GALNT9: variants seen among roughly 807,000 people sequenced by gnomAD.
GALNT9 encodes polypeptide N-acetylgalactosaminyltransferase 9.
Under a neutral mutation model 63.1 loss-of-function variants are expected in GALNT9, and 47 were observed. That is an observed-to-expected ratio of 0.75 (90% confidence interval 0.59 to 0.95). The LOEUF (loss-of-function observed/expected upper bound fraction) is 0.95, where lower values mean the gene tolerates loss of function less well. Among genes scored for constraint, GALNT9 ranks in the 40% least tolerant of loss-of-function variants. The probability of loss-of-function intolerance (pLI) is 0.00; values close to 1 mark genes in which losing one functional copy is unlikely to be tolerated. For missense variants in GALNT9, 829 were observed against 874.8 expected, an observed-to-expected ratio of 0.95 and a Z score of 0.66; for synonymous variants, 396 against 365.7, an observed-to-expected ratio of 1.08 and a Z score of -0.94.
chr12:132,201,204 TCAGCCTCTGACGCAGGGC>T lies in GALNT9; in HGVS notation c.1303_1320del (p.Ala435_Leu440del), dbSNP rs1470710628. On this transcript the variant is annotated inframe_deletion, in exon 8 of 11. Coordinates refer to ENST00000328957, the MANE Select transcript of GALNT9 (RefSeq NM_001122636.2). ...AGGTACCACTTGAAGCTGCGACACT[TCAGCCTCTGACGCAGGGC>T]CAGCCTCTCAGACACGTCCCCGAAG... is the stretch of plus-strand genomic sequence containing the variant. The T allele has an allele frequency of 1.2e-6, 2 of 1,612,852 alleles. No individual in the cohort carries two copies. The highest frequency in any genetic ancestry group is 1.1e-5 in the South Asian group (1 of 90,984).
intron 2 of GALNT9, among the ~76,000 whole-genome samples, chr12:132,268,750 C>T (rs868914893): frequency 2.0e-5 from 3 of 152,226 alleles, no homozygotes; most frequent in Admixed American, 6.5e-5. Flanking sequence ...CCACCGAAGA[C>T]GCCCAAGCAG....
At chr12:132,320,368 A>G (rs28455494) in intron 1 of GALNT9, among the ~76,000 whole-genome samples, 86,550 of 152,134 alleles carry the variant, frequency 0.57, 24,820 homozygotes, top group East Asian at 0.76. Flanking sequence ...GCCACGAGGC[A>G]CAGACGCCCC....
chr12:132,257,416 C>T (rs955591591), intron 5 of GALNT9, among the ~76,000 whole-genome samples: 1 of 151,968 alleles, frequency 6.6e-6, no homozygotes, highest in Admixed American at 6.5e-5. Context: ...GTTGTGCTTG[C>T]TGGGGGACGT....
At chr12:132,240,808 C>G (rs1229110064) in intron 6 of GALNT9, 5 of 427,024 alleles carry the variant, frequency 1.2e-5, no homozygotes, top group African/African-American at 2.1e-5. Context: ...ACATGCCACA[C>G]ACCCTTCCCA....
Position 132,307,435 on chromosome 12 carries a change from C to T in GALNT9, c.239-21005G>A, listed in dbSNP as rs573073311. 2.0e-4 allele frequency among the ~76,000 whole-genome samples: 31 copies of T among 152,212 alleles called. No individual in the cohort carries two copies. In the South Asian group the frequency reaches 6.2e-3, roughly 31 times the overall value. The stretch of plus-strand genomic sequence containing the variant: ...CTGGAACCCATGAGTCTGTCAATTT[C>T]CATGGTCAAAGGGACTTTACAGACG... On this transcript the variant is annotated intron_variant, in intron 1 of 10. Coordinates refer to ENST00000328957, the MANE Select transcript of GALNT9 (RefSeq NM_001122636.2).
intron 2 of GALNT9, among the ~76,000 whole-genome samples, chr12:132,263,471 G>T (rs949906039): frequency 1.3e-5 from 2 of 152,060 alleles, no homozygotes; most frequent in Non-Finnish European, 2.9e-5. Flanking sequence ...AGGTTTTGGA[G>T]TTGGGGTGGT....
chr12:132,290,304 C>T (rs943927367), intron 1 of GALNT9, among the ~76,000 whole-genome samples: 1 of 152,148 alleles, frequency 6.6e-6, no homozygotes, highest in Admixed American at 6.5e-5. Context: ...GGACAGGCCT[C>T]GCCATGCAGA....
chr12:132,319,235 CAG>C lies in GALNT9; in HGVS notation c.238+9729_238+9730del, dbSNP rs1310170865. The stretch of plus-strand genomic sequence containing the variant: ...GTCTGTGCGAGATTTGAGTCTGAAT[CAG>C]GGGGCTGAGGAAGAAAGGTCTGTCC... On this transcript the variant is annotated intron_variant, in intron 1 of 10. Transcript: ENST00000328957. The surrounding 1 kb of genome is among the most constrained non-coding windows in gnomAD (Gnocchi z 5.2). Among the ~76,000 whole-genome samples the C allele has an allele frequency of 6.6e-6, 1 of 152,160 alleles. No homozygotes were observed. Among genetic ancestry groups the C allele is most frequent in the Admixed American group, 6.5e-5 (1 of 15,288 alleles).
At chr12:132,240,864 G>C (rs1213390299) in intron 6 of GALNT9, 1 of 381,954 alleles carries the variant, frequency 2.6e-6, no homozygotes, top group East Asian at 7.3e-5. Context: ...CCCCTTCCCA[G>C]GGCCGTCCCT....
intron 1 of GALNT9, among the ~76,000 whole-genome samples, chr12:132,306,962 C>T (rs1032482289): frequency 6.6e-6 from 1 of 151,974 alleles, no homozygotes; most frequent in Non-Finnish European, 1.5e-5. Context: ...TGTCTGGGAG[C>T]GTGGCGGGGA....
intron 6 of GALNT9, among the ~76,000 whole-genome samples, chr12:132,209,265 G>A (rs1049131381): frequency 7.9e-5 from 12 of 152,228 alleles, no homozygotes; most frequent in South Asian, 4.1e-4. Flanking sequence ...GGTGGCTCAC[G>A]CCTGTAATCC....
intron 1 of GALNT9, among the ~76,000 whole-genome samples, chr12:132,290,784 G>A (rs1254937771): frequency 1.3e-3 from 38 of 30,030 alleles, no homozygotes; most frequent in African/African-American, 3.4e-3. Flanking sequence ...CAGCACCCAC[G>A]TCCACAGCAC....
At chr12:132,214,545 C>T (rs1006570643) in intron 6 of GALNT9, among the ~76,000 whole-genome samples, 2 of 152,220 alleles carry the variant, frequency 1.3e-5, no homozygotes, top group East Asian at 1.9e-4. Flanking sequence ...GGCTACCATC[C>T]TCCCACCCAA....
chr12:132,269,454 G>A (rs58272762), intron 2 of GALNT9, among the ~76,000 whole-genome samples: 13,707 of 152,030 alleles, frequency 0.09, 2,005 homozygotes, highest in African/African-American at 0.31. Context: ...TCCCATTTGC[G>A]TCTGGTGCTG....
At chr12:132,317,775 C>T (rs1435403369) in intron 1 of GALNT9, among the ~76,000 whole-genome samples, 1 of 152,166 alleles carries the variant, frequency 6.6e-6, no homozygotes, top group African/African-American at 2.4e-5. Context: ...TCCCTTCCAA[C>T]CAGGGCAGGG....
chr12:132,214,500 G>A (rs886329622), intron 6 of GALNT9, among the ~76,000 whole-genome samples: 16 of 152,138 alleles, frequency 1.1e-4, no homozygotes, highest in Non-Finnish European at 1.0e-4. Flanking sequence ...CAGCCAACGC[G>A]AATCCACAGC....
At chr12:132,253,186 C>A (rs1224289303) in intron 5 of GALNT9, among the ~76,000 whole-genome samples, 2 of 152,184 alleles carry the variant, frequency 1.3e-5, no homozygotes, top group East Asian at 3.8e-4. Context: ...ACCAGGAGTG[C>A]GGGAGGAGCA....
chr12:132,203,651 A>G lies in GALNT9; in HGVS notation c.1117T>C (p.Ser373Pro), dbSNP rs773099025. 5 of 1,613,514 alleles carry G rather than the reference A, an allele frequency of 3.1e-6. No individual in the cohort carries two copies. The highest frequency in any genetic ancestry group is 1.3e-5 in the African/African-American group (1 of 74,902). The change falls in exon 7 of 11, where the codon TCC becomes CCC. Residue 373 changes from serine (S) to proline (P), a missense_variant. Ser to Pro is a moderately conservative substitution (Grantham distance 74). Transcript: ENST00000328957. Reference protein sequence around the residue: ...CGGSMEVLPCSRVAHIERTRK... With the variant: ...CGGSMEVLPCPRVAHIERTRK... The stretch of plus-strand genomic sequence containing the variant: ...GTGCGCTCGATGTGGGCCACGCGGG[A>G]GCAGGGCAGCACCTCCATGCTGCCG...
chr12:132,260,950 G>A lies in GALNT9; in HGVS notation c.759C>T (p.Gly253=), dbSNP rs782273710. The A allele has an allele frequency of 1.3e-6, 2 of 1,539,816 alleles. No homozygotes were observed. The highest frequency in any genetic ancestry group is 8.8e-7 in the Non-Finnish European group (1 of 1,142,766). Residue 253 remains glycine, a splice_region_variant and synonymous_variant, in exon 4 of 11, where the codon GGC becomes GGT. Coordinates refer to ENST00000328957, the MANE Select transcript of GALNT9 (RefSeq NM_001122636.2). ...GTCCAGCCTGTTCCGGCCCTTACCA[G>A]CCCGTGTTGAACTCGACGTGGGCAT... is the stretch of plus-strand genomic sequence containing the variant. ...FFDAHVEFNT[G]WAEPALSRIR...
Sources: allele counts gnomAD v4.1 joint callset (sites outside exome capture counted in the v4.1 genomes callset), GRCh38; gene constraint gnomAD v4.1.1; non-coding constraint Gnocchi (gnomAD v3.1); transcripts MANE v1.5; gene names NCBI Gene and HGNC (gene_info 2026-07-23, HGNC 2026-07-21).